GSE1: variants seen among roughly 807,000 people sequenced by gnomAD.
GSE1 encodes Gse1 coiled-coil protein.
Under a neutral mutation model 112.6 loss-of-function variants are expected in GSE1, and 32 were observed. That is an observed-to-expected ratio of 0.28 (90% CI 0.21 to 0.38). The LOEUF is 0.38. GSE1 is among the 10% of genes least tolerant of loss of function. The pLI is 1.00. For synonymous variants in GSE1, 1,115 were observed against 735.6 expected, an observed-to-expected ratio of 1.52 and a Z score of -8.35; for missense variants, 2,348 against 1,699.2, an observed-to-expected ratio of 1.38 and a Z score of -6.71.
At chr16:85,337,058 A>C (rs1446808183) in intron 1 of GSE1, among the ~76,000 whole-genome samples, 1 of 152,212 alleles carries the variant, frequency 6.6e-6, no homozygotes, top group Non-Finnish European at 1.5e-5. Context: ...ACACATATGC[A>C]CACACCCTGG....
At chr16:85,239,088 C>A (rs374645635) in intron 1 of GSE1, among the ~76,000 whole-genome samples, 11 of 152,220 alleles carry the variant, frequency 7.2e-5, no homozygotes, top group African/African-American at 2.6e-4. Context: ...CCACCACGCC[C>A]CCCTAATTTG....
chr16:85,439,752 C>T (rs1271419525), intron 2 of GSE1, among the ~76,000 whole-genome samples: 1 of 99,756 alleles, frequency 1.0e-5, no homozygotes, highest in Admixed American at 8.8e-5. Flanking sequence ...CACATGCATG[C>T]ACACACACAG....
At chr16:85,262,824 T>G (rs1907843177) in intron 1 of GSE1, among the ~76,000 whole-genome samples, 1 of 152,222 alleles carries the variant, frequency 6.6e-6, no homozygotes, top group Non-Finnish European at 1.5e-5. Context: ...GAAAATGTGT[T>G]GCAATGGGAG....
intron 1 of GSE1, among the ~76,000 whole-genome samples, chr16:85,181,211 A>G (rs890661697): frequency 1.3e-5 from 2 of 152,230 alleles, no homozygotes; most frequent in African/African-American, 4.8e-5. Flanking sequence ...GCAGGGTGCC[A>G]GTTCCTCCCC....
At chr16:85,667,025 G>C (rs1027041453) in intron 13 of GSE1, among the ~76,000 whole-genome samples, 6 of 152,246 alleles carry the variant, frequency 3.9e-5, no homozygotes, top group African/African-American at 1.4e-4. Flanking sequence ...GTGATACGCA[G>C]ATACTATGCC....
rs969311867 is a variant in GSE1, at chr16:85,586,457, C to T, written c.37+30094C>T. On this transcript the variant is annotated intron_variant, in intron 1 of 2. Transcript: ENST00000635906. ...ATCTCGCCTTCCCATGGGCTCAGCC[C>T]GAAGGCTGTTTCATGAGCGTCATCA... 3.3e-5 allele frequency among the ~76,000 whole-genome samples: 5 copies of T among 152,142 alleles called. No individual in the cohort carries two copies. The East Asian group carries it at 7.7e-4, about 23-fold the overall frequency.
Position 85,279,345 on chromosome 16 carries a change from T to A in GSE1, c.2284-78118T>A, listed in dbSNP as rs146961418. ...CCATGGGGCTGTGTGTGGTGGCTCATGCCTGTAATCCCAGTACTCTGGGAG... is the reference window on the plus strand; with the variant it reads ...CCATGGGGCTGTGTGTGGTGGCTCAAGCCTGTAATCCCAGTACTCTGGGAG... On this transcript the variant is annotated intron_variant, in intron 1 of 2. Transcript: ENST00000637419. 7.7e-3 allele frequency among the ~76,000 whole-genome samples: 1,172 copies of A among 152,340 alleles called. 15 individuals carry two copies. Among genetic ancestry groups the A allele is most frequent in the African/African-American group, 0.027 (1,108 of 41,576 alleles).
chr16:85,181,871 G>T lies in GSE1; in HGVS notation c.2283+10064G>T, dbSNP rs183353414. On this transcript the variant is annotated intron_variant, in intron 1 of 2. Transcript: ENST00000637419. ...CTGGATGTCCCGAGAGCATGGCGGGGCCTTGCCACAGCTGCAGCGCCAGCT... is the reference window on the plus strand; with the variant it reads ...CTGGATGTCCCGAGAGCATGGCGGGTCCTTGCCACAGCTGCAGCGCCAGCT... Among the ~76,000 whole-genome samples the T allele has an allele frequency of 2.3e-3, 356 of 152,338 alleles. 2 individuals are homozygous for T. Among genetic ancestry groups the T allele is most frequent in the African/African-American group, 8.2e-3 (339 of 41,568 alleles).
intron 15 of GSE1, chr16:85,671,682 G>C (rs1046552306): frequency 2.0e-5 from 3 of 153,444 alleles, no homozygotes; most frequent in African/African-American, 7.2e-5. Context: ...ATCCTGGAAG[G>C]GTAGGGATGC....
At chr16:85,559,833 T>G (rs1414433841) in intron 1 of GSE1, among the ~76,000 whole-genome samples, 2 of 152,212 alleles carry the variant, frequency 1.3e-5, no homozygotes, top group Non-Finnish European at 1.5e-5. Flanking sequence ...CAGCCACGCC[T>G]GTTCCTCTGG....
upstream of GSE1, among the ~76,000 whole-genome samples, chr16:85,611,962 GC>G (rs1422190332): frequency 6.6e-6 from 1 of 152,094 alleles, no homozygotes; most frequent in Non-Finnish European, 1.5e-5. Flanking sequence ...TTTGGGGCTG[GC>G]ACGAGGGGGC....
At chr16:85,571,213 C>T (rs144141437) in intron 1 of GSE1, among the ~76,000 whole-genome samples, 203 of 152,332 alleles carry the variant, frequency 1.3e-3, no homozygotes, top group East Asian at 0.012. Context: ...TGCACCCTTC[C>T]AAGGCCCGGG....
intron 2 of GSE1, among the ~76,000 whole-genome samples, chr16:85,522,705 G>A (rs2052228974): frequency 6.6e-6 from 1 of 152,204 alleles, no homozygotes; most frequent in Non-Finnish European, 1.5e-5. Flanking sequence ...GCTCGTGTGG[G>A]TGTCTGTGAT....
At chr16:85,547,347 T>A (rs2044736107) in intron 2 of GSE1, among the ~76,000 whole-genome samples, 1 of 152,202 alleles carries the variant, frequency 6.6e-6, no homozygotes, top group Non-Finnish European at 1.5e-5. Flanking sequence ...AGCGGGGCCA[T>A]GCTCCCTCTG....
In GSE1 at chr16:85,633,998, C is replaced by A. The variant is rs759417177; in HGVS notation, c.92C>A (p.Pro31His). 5.0e-6 allele frequency: 8 copies of A among 1,612,866 alleles called. No individual in the cohort carries two copies. The South Asian group carries it at 7.7e-5, about 16-fold the overall frequency. The change falls in exon 2 of 16, where the codon CCC becomes CAC. Residue 31 changes from proline (P) to histidine (H), a missense_variant. Coordinates refer to ENST00000253458, the MANE Select transcript of GSE1 (RefSeq NM_014615.5). ...RTTATVNPLT[P>H]SPLNGALVPS... ...ACCGCCACCGTCAACCCCCTCACCC[C>A]CTCGCCGCTCAATGGCGCCCTGGTG...
At chr16:85,538,758 G>A (rs1010853096) in intron 2 of GSE1, among the ~76,000 whole-genome samples, 1 of 152,146 alleles carries the variant, frequency 6.6e-6, no homozygotes, top group East Asian at 1.9e-4. Context: ...GAGCAGGCTC[G>A]GTGCCCCACT....
intron 1 of GSE1, among the ~76,000 whole-genome samples, chr16:85,331,515 ATG>A (rs1381940289): frequency 8.7e-6 from 1 of 115,304 alleles, no homozygotes; most frequent in Non-Finnish European, 1.9e-5. Context: ...ATATGTATAT[ATG>A]TGTATATATG....
intron 1 of GSE1, among the ~76,000 whole-genome samples, chr16:85,280,236 G>A (rs982277034): frequency 2.6e-5 from 4 of 152,092 alleles, no homozygotes; most frequent in African/African-American, 7.2e-5. Context: ...AAGTACACCC[G>A]GCCCCTGCTT....
At chr16:85,528,379 C>G (rs7498400) in intron 2 of GSE1, among the ~76,000 whole-genome samples, 22,800 of 152,164 alleles carry the variant, frequency 0.15, 1,891 homozygotes, top group Admixed American at 0.21. Flanking sequence ...TGGTACAACC[C>G]TAGCTCACTA....
Sources: gnomAD v4.1 joint callset for allele counts (sites outside exome capture counted in the v4.1 genomes callset) on GRCh38, gnomAD v4.1.1 for gene constraint, MANE v1.5 for transcripts, NCBI Gene and HGNC (gene_info 2026-07-23, HGNC 2026-07-21) for gene names.